The following RYR2 variants were observed in gnomAD, a reference collection of about 807,000 sequenced individuals.
RYR2 encodes ryanodine receptor 2, also known as cardiac muscle ryanodine receptor-calcium release channel.
RYR2 carries 227 observed loss-of-function variants against 601.1 expected under a neutral mutation model. That is an observed-to-expected ratio of 0.38 (90% CI 0.34 to 0.42). The LOEUF is 0.42. RYR2 is among the 10% of genes least tolerant of loss of function. The probability of loss-of-function intolerance (pLI) is 1.00; values close to 1 mark genes in which losing one functional copy is unlikely to be tolerated. For missense variants in RYR2, 4,646 were observed against 6,156.5 expected (o/e 0.75, Z 8.21); for synonymous variants, 2,223 against 2,175.1 (o/e 1.02, Z -0.61).
intron 97 of RYR2, among the ~76,000 whole-genome samples, chr1:237,800,352 T>TG (rs1383642468): frequency 6.6e-6 from 1 of 152,134 alleles, no homozygotes; most frequent in Non-Finnish European, 1.5e-5. Flanking sequence ...TAAATATTTG[T>TG]GGCACTTTTT....
At chr1:237,110,988 G>C (rs977573318) in intron 1 of RYR2, among the ~76,000 whole-genome samples, 7 of 152,134 alleles carry the variant, frequency 4.6e-5, no homozygotes. Flanking sequence ...CACGATGCCA[G>C]GTCTCAGGCT....
At chr1:237,296,038 C>T (rs1692746297) in intron 2 of RYR2, among the ~76,000 whole-genome samples, 1 of 152,138 alleles carries the variant, frequency 6.6e-6, no homozygotes. Context: ...TTGTAGAAGG[C>T]CTCTTTGCTG....
chr1:237,272,939 A>G (rs1430281063), intron 2 of RYR2, among the ~76,000 whole-genome samples: 2 of 152,196 alleles, frequency 1.3e-5, no homozygotes, highest in Non-Finnish European at 2.9e-5. Context: ...GTAGAGATAT[A>G]GAAGATGGAA....
Position 237,595,481 on chromosome 1 carries a change from G to C in RYR2, c.4437-17G>C. 1 of 1,601,214 alleles carries C rather than the reference G, an allele frequency of 6.2e-7. No homozygotes were observed. The highest frequency in any genetic ancestry group is 1.8e-5 in the Admixed American group (1 of 56,942). On this transcript the variant is annotated splice_polypyrimidine_tract_variant and intron_variant, in intron 33 of 104. Transcript: ENST00000366574. ...TCTGTGGTTGTACAAAGATAAAAAT[G>C]TTCTTTTGAAATTCAGCATCAAACG... is the stretch of plus-strand genomic sequence containing the variant.
intron 1 of RYR2, among the ~76,000 whole-genome samples, chr1:237,085,334 C>A (rs1666194534): frequency 6.6e-6 from 1 of 152,176 alleles, no homozygotes; most frequent in South Asian, 2.1e-4. Flanking sequence ...TCAAAAATAT[C>A]TGAGTTTCAG....
chr1:237,458,157 G>A (rs776591894), intron 16 of RYR2, among the ~76,000 whole-genome samples: 2 of 152,198 alleles, frequency 1.3e-5, no homozygotes, highest in Non-Finnish European at 2.9e-5. Flanking sequence ...ACCGGGCACA[G>A]TGGCTGACAC....
intron 10 of RYR2, among the ~76,000 whole-genome samples, chr1:237,408,205 C>G (rs1204674033): frequency 6.6e-6 from 1 of 151,754 alleles, no homozygotes; most frequent in African/African-American, 2.4e-5. Context: ...TACATTTAGG[C>G]CTATGGTTCA....
chr1:237,380,939 G>T (rs534898295), intron 8 of RYR2, among the ~76,000 whole-genome samples: 1 of 152,194 alleles, frequency 6.6e-6, no homozygotes, highest in African/African-American at 2.4e-5. Context: ...TTAGCCAGGC[G>T]TGGTGGCAGG....
At chr1:237,145,035 A>C (rs1673836103) in intron 1 of RYR2, among the ~76,000 whole-genome samples, 2 of 142,190 alleles carry the variant, frequency 1.4e-5, no homozygotes, top group Admixed American at 1.4e-4. Flanking sequence ...GCATGGACAC[A>C]GGGAGGGGAA....
At chr1:237,072,613 C>A (rs989603084) in intron 1 of RYR2, among the ~76,000 whole-genome samples, 1 of 151,978 alleles carries the variant, frequency 6.6e-6, no homozygotes, top group African/African-American at 2.4e-5. Context: ...TTTGGAAACT[C>A]GTATTTAATC....
At chr1:237,686,718 TTA>T in intron 62 of RYR2, among the ~76,000 whole-genome samples, 1 of 152,224 alleles carries the variant, frequency 6.6e-6, no homozygotes, top group Non-Finnish European at 1.5e-5. Context: ...TGGGCAGCCA[TTA>T]TTTGGAATGG....
intron 83 of RYR2, 100 bp downstream of exon 83, chr1:237,759,952 TA>T: frequency 1.3e-6 from 1 of 765,580 alleles, no homozygotes; most frequent in South Asian, 1.6e-5. Context: ...GAAGAATAGT[TA>T]ATGATTAACA....
In RYR2 at chr1:237,367,463, C is replaced by G. The variant is rs939845048; in HGVS notation, c.310-2071C>G. Among the ~76,000 whole-genome samples, 4 of 152,042 alleles carry G rather than the reference C, an allele frequency of 2.6e-5. No homozygotes were observed. The East Asian group carries it at 7.7e-4, about 29-fold the overall frequency. On this transcript the variant is annotated intron_variant, in intron 5 of 104. Coordinates refer to ENST00000366574, the MANE Select transcript of RYR2 (RefSeq NM_001035.3). ...TTTAATATCTGTTTTTAGAATAGTT[C>G]TGAGTTTTTTCAAACAAAACATAAA...
chr1:237,749,100 C>A (rs1228839139), intron 80 of RYR2, among the ~76,000 whole-genome samples: 1 of 152,186 alleles, frequency 6.6e-6, no homozygotes, highest in East Asian at 1.9e-4. Context: ...TGTATTGAAG[C>A]AGCATATATT....
chr1:237,423,324 G>C, intron 12 of RYR2, 76 bp downstream of exon 12: 2 of 1,457,952 alleles, frequency 1.4e-6, no homozygotes, highest in Non-Finnish European at 1.9e-6. Flanking sequence ...AAGGAGAAAA[G>C]AAATGAGAAA....
intron 84 of RYR2, among the ~76,000 whole-genome samples, chr1:237,768,782 G>A (rs1276087730): frequency 2.0e-5 from 3 of 152,118 alleles, no homozygotes; most frequent in Admixed American, 1.3e-4. Context: ...AGATAGGAAT[G>A]TCTTCATTAA....
Position 237,784,329 on chromosome 1 carries a change from T to A in RYR2, c.12617T>A (p.Ile4206Asn). Residue 4206 changes from isoleucine to asparagine, a missense_variant, in exon 90 of 105, where the codon ATC becomes AAC. Transcript: ENST00000366574. This position sits in a 1 kb window ranked among gnomAD's most constrained non-coding sequence, Gnocchi z 7.1. ...TTTGAAATGCAGCTGGCGGCTCAGATCTCGGAGTCGGACTTGAACGAGAGG... is the reference window on the plus strand; with the variant it reads ...TTTGAAATGCAGCTGGCGGCTCAGAACTCGGAGTCGGACTTGAACGAGAGG... ...TIFEMQLAAQ[I>N]SESDLNERSA... 1 of 1,613,706 alleles carries A rather than the reference T, an allele frequency of 6.2e-7. No individual in the cohort carries two copies. Among genetic ancestry groups the A allele is most frequent in the South Asian group, 1.1e-5 (1 of 91,038 alleles).
At chr1:237,375,068 G>T (rs1700915409) in intron 7 of RYR2, among the ~76,000 whole-genome samples, 1 of 152,022 alleles carries the variant, frequency 6.6e-6, no homozygotes. Flanking sequence ...TGATTTACTG[G>T]GTGTTAGCCA....
chr1:237,793,647 CAT>C (rs1297859484), intron 94 of RYR2, among the ~76,000 whole-genome samples: 1 of 152,178 alleles, frequency 6.6e-6, no homozygotes, highest in Non-Finnish European at 1.5e-5. Flanking sequence ...TGTTTAAAAA[CAT>C]ATGCATATAT....
Sources: gnomAD v4.1 joint callset for allele counts (sites outside exome capture counted in the v4.1 genomes callset) on GRCh38, gnomAD v4.1.1 for gene constraint, Gnocchi (gnomAD v3.1) non-coding constraint, MANE v1.5 for transcripts, NCBI Gene and HGNC (gene_info 2026-07-23, HGNC 2026-07-21) for gene names.